SHISA6: variants seen among roughly 807,000 people sequenced by gnomAD.
The protein encoded by SHISA6 is protein shisa-6.
Under a neutral mutation model 47.9 loss-of-function variants are expected in SHISA6, and 22 were observed. The observed-to-expected ratio is 0.46, with a 90% CI of 0.33 to 0.66. The LOEUF is 0.66. Among genes scored for constraint, SHISA6 ranks in the 30% least tolerant of loss-of-function variants. The pLI is 0.02. For synonymous variants in SHISA6, 388 were observed against 337.8 expected (o/e 1.15, Z -1.63); for missense variants, 680 against 764.6 (o/e 0.89, Z 1.30).
chr17:11,362,929 C>T (rs1043884031), intron 2 of SHISA6, among the ~76,000 whole-genome samples: 13 of 152,176 alleles, frequency 8.5e-5, no homozygotes, highest in African/African-American at 3.1e-4. Context: ...AGTTCTGAAC[C>T]TTAAACTCCT....
intron 3 of SHISA6, among the ~76,000 whole-genome samples, chr17:11,428,007 A>G (rs141545096): frequency 3.0e-4 from 46 of 152,352 alleles, no homozygotes; most frequent in African/African-American, 1.0e-3. Context: ...CTCTGCATGT[A>G]GAATGAAGCA....
At chr17:11,404,498 G>A (rs1011776795) in intron 3 of SHISA6, among the ~76,000 whole-genome samples, 80 of 152,112 alleles carry the variant, frequency 5.3e-4, no homozygotes, top group South Asian at 2.1e-4. Flanking sequence ...GACTCACATG[G>A]CAATTTCCTT....
At chr17:11,379,135 A>G (rs891822353) in intron 2 of SHISA6, among the ~76,000 whole-genome samples, 1 of 148,428 alleles carries the variant, frequency 6.7e-6, no homozygotes, top group Non-Finnish European at 1.5e-5. Flanking sequence ...CTAGATATAT[A>G]TATAAGTATA....
At chr17:11,532,095 A>G (rs2071738858) in intron 3 of SHISA6, among the ~76,000 whole-genome samples, 2 of 152,252 alleles carry the variant, frequency 1.3e-5, no homozygotes, top group Admixed American at 1.3e-4. Context: ...AATGATGTAG[A>G]ACAGAAAATT....
chr17:11,406,271 C>T (rs1291281413), intron 3 of SHISA6, among the ~76,000 whole-genome samples: 1 of 152,164 alleles, frequency 6.6e-6, no homozygotes, highest in Non-Finnish European at 1.5e-5. Context: ...TTTTATACTC[C>T]CTGGTCCTTC....
rs552766817 is a variant in SHISA6 at position 11,535,999 on chromosome 17, CAGAT to C, written c.896-15883_896-15880del. 3.8e-3 allele frequency among the ~76,000 whole-genome samples: 580 copies of C among 151,402 alleles called. 1 individual carries two copies. Among genetic ancestry groups the C allele is most frequent in the Non-Finnish European group, 5.3e-3 (359 of 67,912 alleles). On this transcript the variant is annotated intron_variant, in intron 3 of 5. Transcript: ENST00000441885. ...ATAGAGATATTTATATCTATATATA[CAGAT>C]AGATAGATAGATATATATAGAGAGA... is the stretch of plus-strand genomic sequence containing the variant.
intron 3 of SHISA6, among the ~76,000 whole-genome samples, chr17:11,496,611 C>T (rs1456380182): frequency 4.6e-5 from 7 of 152,108 alleles, no homozygotes; most frequent in South Asian, 2.1e-4. Flanking sequence ...TGGTGGCAGG[C>T]GCCTGTAATC....
intron 3 of SHISA6, among the ~76,000 whole-genome samples, chr17:11,482,268 A>T (rs1014538453): frequency 5.9e-5 from 9 of 152,260 alleles, no homozygotes; most frequent in African/African-American, 2.2e-4. Context: ...CAAGAATTTG[A>T]CAATGTCCTG....
rs56835775 is a variant in SHISA6, at chr17:11,457,740, C to CA, written c.895+78247dup. 6.4e-3 allele frequency among the ~76,000 whole-genome samples: 650 copies of CA among 101,828 alleles called. 19 individuals carry two copies. Among genetic ancestry groups the CA allele is most frequent in the African/African-American group, 0.016 (446 of 28,382 alleles). The allele number at this position is 101,828 out of a possible 152,430, so 66.8% of individuals were successfully genotyped here. A position where few individuals can be genotyped will look rare whatever the true frequency, so the allele number is the denominator to read the frequency against. ...TGGGTGACAGAGTGAGACTCAGTCTCAAAAAAAAAAAAAAAAGACAGATGA... is the reference window on the plus strand; with the variant it reads ...TGGGTGACAGAGTGAGACTCAGTCTCAAAAAAAAAAAAAAAAAGACAGATGA... On this transcript the variant is annotated intron_variant, in intron 3 of 5. Coordinates refer to ENST00000441885, the MANE Select transcript of SHISA6 (RefSeq NM_207386.4).
intron 3 of SHISA6, among the ~76,000 whole-genome samples, chr17:11,432,914 A>C (rs143238432): frequency 3.3e-5 from 5 of 152,288 alleles, no homozygotes; most frequent in Admixed American, 6.5e-5. Flanking sequence ...GAGGAAATGG[A>C]GAGTGACTGC....
chr17:11,343,826 A>G (rs1911612422), intron 2 of SHISA6, among the ~76,000 whole-genome samples: 1 of 152,202 alleles, frequency 6.6e-6, no homozygotes, highest in African/African-American at 2.4e-5. Context: ...GGAGCATAAA[A>G]AGTGATCAGT....
intron 3 of SHISA6, among the ~76,000 whole-genome samples, chr17:11,543,105 A>G (rs1358585918): frequency 6.6e-6 from 1 of 152,196 alleles, no homozygotes; most frequent in Non-Finnish European, 1.5e-5. Context: ...AAACAGGAAG[A>G]CATTTAAAAC....
At chr17:11,418,361 A>G (rs145298214) in intron 3 of SHISA6, among the ~76,000 whole-genome samples, 4 of 152,102 alleles carry the variant, frequency 2.6e-5, no homozygotes, top group African/African-American at 9.7e-5. Flanking sequence ...TTGCATTGTC[A>G]TGAGAGATTT....
intron 3 of SHISA6, among the ~76,000 whole-genome samples, chr17:11,461,511 A>G (rs1187475900): frequency 6.6e-6 from 1 of 152,198 alleles, no homozygotes; most frequent in Non-Finnish European, 1.5e-5. Context: ...AGATGCCTAT[A>G]AACAAGGGGA....
intron 2 of SHISA6, among the ~76,000 whole-genome samples, chr17:11,376,487 G>T (rs937976618): frequency 6.6e-6 from 1 of 151,890 alleles, no homozygotes; most frequent in Non-Finnish European, 1.5e-5. Context: ...ACCACACTTG[G>T]CTCATTTTTT....
rs562129954 is a variant in SHISA6, at chr17:11,548,133, G to A, written c.896-3763G>A. Among the ~76,000 whole-genome samples the A allele has an allele frequency of 2.9e-4, 44 of 152,260 alleles. No individual in the cohort carries two copies. In the South Asian group the frequency reaches 8.9e-3, roughly 31 times the overall value. ...AAATATTCAAACTCTCCAAACTTCA[G>A]TTTCCTTATCTCTAAACTGGCAATA... On this transcript the variant is annotated intron_variant, in intron 3 of 5. Transcript: ENST00000441885.
At chr17:11,332,629 T>C (rs941577872) in intron 2 of SHISA6, among the ~76,000 whole-genome samples, 7 of 152,188 alleles carry the variant, frequency 4.6e-5, no homozygotes, top group Non-Finnish European at 1.5e-5. Context: ...GTTTGCTTTC[T>C]GTCTCCTTTT....
intron 3 of SHISA6, among the ~76,000 whole-genome samples, chr17:11,505,864 G>A (rs2071494517): frequency 6.6e-6 from 1 of 152,190 alleles, no homozygotes; most frequent in Non-Finnish European, 1.5e-5. Context: ...GGTAATGCAA[G>A]AGGAAATGGA....
chr17:11,484,968 G>A (rs754372823), intron 3 of SHISA6, among the ~76,000 whole-genome samples: 16 of 152,118 alleles, frequency 1.1e-4, no homozygotes, highest in African/African-American at 3.1e-4. Context: ...ATAAAAGAGC[G>A]TGTTATTTTA....
Sources: gnomAD v4.1 joint callset for allele counts (sites outside exome capture counted in the v4.1 genomes callset) on GRCh38, gnomAD v4.1.1 for gene constraint, MANE v1.5 for transcripts, NCBI Gene and HGNC (gene_info 2026-07-23, HGNC 2026-07-21) for gene names.